ZSCAN20: variants seen among roughly 807,000 people sequenced by gnomAD.
ZSCAN20 encodes zinc finger and SCAN domain-containing protein 20.
ZSCAN20 carries 39 observed loss-of-function variants against 97.1 expected under a neutral mutation model. The ratio of observed to expected loss-of-function variants is 0.40; its 90% CI spans 0.31 to 0.52. ZSCAN20 has a LOEUF of 0.52. Ranked by LOEUF, ZSCAN20 falls within the 20% of genes least tolerant of loss-of-function variation. The pLI, the probability that ZSCAN20 is intolerant of heterozygous loss-of-function variation, is 0.49. For synonymous variants in ZSCAN20, 456 were observed against 467.3 expected, an observed-to-expected ratio of 0.98 and a Z score of 0.31; for missense variants, 1,115 against 1,290.4, an observed-to-expected ratio of 0.86 and a Z score of 2.08.
At position 33,501,048 on chromosome 1, in the gene ZSCAN20, G is replaced by A. The variant is rs2148490798; in HGVS notation, c.*5572G>A. On this transcript the variant is annotated 3_prime_UTR_variant, in exon 8 of 8. Coordinates refer to ENST00000684572, the MANE Select transcript of ZSCAN20 (RefSeq NM_001377376.1). ...CACTGGGGACCAGCAGGAAGTGGTG[G>A]TGAGACACTTTGAAACCCTCCACTG... Among the ~76,000 whole-genome samples, 1 of 152,282 alleles carries A rather than the reference G, an allele frequency of 6.6e-6. No homozygotes were observed.
At chr1:33,477,714 CATT>C (rs778020474) in intron 1 of ZSCAN20, among the ~76,000 whole-genome samples, 10 of 149,720 alleles carry the variant, frequency 6.7e-5, no homozygotes, top group Non-Finnish European at 1.3e-4. Flanking sequence ...ACACCATCAT[CATT>C]AGTCAATCAT....
chr1:33,491,064 A>G lies in ZSCAN20; in HGVS notation c.806A>G (p.Glu269Gly). ...AAACCAAGTAATACCTCCGAGAAAGAGCAAGGACCAGAGTTTTGGGGTCTA... is the reference window on the plus strand; with the variant it reads ...AAACCAAGTAATACCTCCGAGAAAGGGCAAGGACCAGAGTTTTGGGGTCTA... ...VSKPSNTSEK[E>G]QGPEFWGLSL... is the part of the protein sequence containing the mutation. The change falls in exon 6 of 8, where the codon GAG becomes GGG. Residue 269 changes from glutamate (E) to glycine (G), a missense_variant. Transcript: ENST00000684572. This position sits in a 1 kb window ranked among gnomAD's most constrained non-coding sequence, Gnocchi z 4.3. The G allele has an allele frequency of 6.2e-7, 1 of 1,611,018 alleles. No individual in the cohort carries two copies. Among genetic ancestry groups the G allele is most frequent in the South Asian group, 1.1e-5 (1 of 90,770 alleles).
chr1:33,479,106 A>T, intron 1 of ZSCAN20, 73 bp from the exon 2 acceptor site: 1 of 612,208 alleles, frequency 1.6e-6, no homozygotes, highest in Non-Finnish European at 2.7e-6. Context: ...GTGGCGGAAG[A>T]TATGGGGGAA....
At position 33,497,357 on chromosome 1, in the gene ZSCAN20, A is replaced by G. The variant is rs1490046099; in HGVS notation, c.*1881A>G. ...TCAGCAGATGTCAGTAACTGCAGTAATACAGTGATATTGTCTAGTAATGTG... is the reference window on the plus strand; with the variant it reads ...TCAGCAGATGTCAGTAACTGCAGTAGTACAGTGATATTGTCTAGTAATGTG... On this transcript the variant is annotated 3_prime_UTR_variant, in exon 8 of 8. Coordinates refer to ENST00000684572, the MANE Select transcript of ZSCAN20 (RefSeq NM_001377376.1). Among the ~76,000 whole-genome samples, 1 of 152,190 alleles carries G rather than the reference A, an allele frequency of 6.6e-6. No homozygotes were observed. Among genetic ancestry groups the G allele is most frequent in the African/African-American group, 2.4e-5 (1 of 41,448 alleles).
chr1:33,489,400 C>T (rs1199911293), intron 4 of ZSCAN20, 118 bp from the exon 5 acceptor site: 19 of 1,116,336 alleles, frequency 1.7e-5, no homozygotes, highest in Middle Eastern at 5.1e-4. Flanking sequence ...CCTTATGATG[C>T]CAGCTTCACA....
rs1157649408 is a variant in ZSCAN20, at chr1:33,491,466, A to C, written c.1208A>C (p.Glu403Ala). ...SHPPGTCPFYEELEALVRART... is the reference protein window; with the variant it reads ...SHPPGTCPFYAELEALVRART... ...CCACCAGGTACCTGCCCCTTCTATGAGGAGCTGGAGGCCCTGGTCAGGGCT... is the reference window on the plus strand; with the variant it reads ...CCACCAGGTACCTGCCCCTTCTATGCGGAGCTGGAGGCCCTGGTCAGGGCT... The change falls in exon 6 of 8, where the codon GAG becomes GCG. Residue 403 changes from glutamate (E) to alanine (A), a missense_variant. Glu to Ala is a moderately radical substitution (Grantham distance 107). Around this residue, in one of 3 missense-constraint regions of ZSCAN20, gnomAD observed 508 missense variants for 611.2 expected, o/e 0.83. Coordinates refer to ENST00000684572, the MANE Select transcript of ZSCAN20 (RefSeq NM_001377376.1). The surrounding 1 kb of genome is among the most constrained non-coding windows in gnomAD (Gnocchi z 4.3). 6.2e-7 allele frequency: 1 copy of C among 1,614,022 alleles called. No homozygotes were observed. Among genetic ancestry groups the C allele is most frequent in the Admixed American group, 1.7e-5 (1 of 59,998 alleles).
rs200365416 is a variant in ZSCAN20, at chr1:33,494,404, A to C, written c.2060A>C (p.Glu687Ala). 34 of 1,613,832 alleles carry C rather than the reference A, an allele frequency of 2.1e-5. No individual in the cohort carries two copies. The East Asian group carries it at 3.6e-4, about 17-fold the overall frequency. ...WGNPSQEQWQESSSEEDLEKL... is the reference protein window; with the variant it reads ...WGNPSQEQWQASSSEEDLEKL... ...AATCCCTCACAGGAACAGTGGCAAG[A>C]AAGTTCTTCTGAAGAGGACTTAGAA... is the stretch of plus-strand genomic sequence containing the variant. Residue 687 changes from glutamate to alanine, a missense_variant, in exon 8 of 8, where the codon GAA becomes GCA. Transcript: ENST00000684572.
At position 33,491,863 on chromosome 1, in the gene ZSCAN20, C is replaced by T; in HGVS notation, c.1444+161C>T. On this transcript the variant is annotated intron_variant, in intron 6 of 7. Transcript: ENST00000684572. The surrounding 1 kb of genome is among the most constrained non-coding windows in gnomAD (Gnocchi z 4.3). ...TCCTCAAACTCCAACTTTCTTTTCC[C>T]ATGACCAAGTCTCTTTGCAAAAGTC... 1.5e-6 allele frequency: 1 copy of T among 649,738 alleles called. No homozygotes were observed. 40.2% of individuals were successfully genotyped at this position (649,738 alleles called of 1,614,324 possible).
At chr1:33,490,684 C>A (rs869138710) in intron 5 of ZSCAN20, among the ~76,000 whole-genome samples, 8 of 127,922 alleles carry the variant, frequency 6.3e-5, no homozygotes, top group South Asian at 3.0e-4. Context: ...CACACACACA[C>A]CACACACCCT....
In ZSCAN20 at chr1:33,493,123, A is replaced by G. The variant is rs1213067515; in HGVS notation, c.1445-64A>G. ...GGTATTTTGAAGGGCAGGTGACTTT[A>G]TTCTCTGATGACCTAGGCACATCTC... On this transcript the variant is annotated intron_variant, in intron 6 of 7. Transcript: ENST00000684572. The surrounding 1 kb of genome is among the most constrained non-coding windows in gnomAD (Gnocchi z 4.3). 2 of 1,528,284 alleles carry G rather than the reference A, an allele frequency of 1.3e-6. No individual in the cohort carries two copies. Among genetic ancestry groups the G allele is most frequent in the Non-Finnish European group, 1.8e-6 (2 of 1,119,796 alleles). 94.7% of individuals were successfully genotyped at this position (1,528,284 alleles called of 1,614,324 possible). A position where few individuals can be genotyped will look rare whatever the true frequency, so the allele number is the denominator to read the frequency against.
At position 33,497,911 on chromosome 1, in the gene ZSCAN20, A is replaced by G. The variant is rs1652931468; in HGVS notation, c.*2435A>G. On this transcript the variant is annotated 3_prime_UTR_variant, in exon 8 of 8. Coordinates refer to ENST00000684572, the MANE Select transcript of ZSCAN20 (RefSeq NM_001377376.1). Reference sequence around the variant, plus strand: ...TCTAGAACTTGAGGTGCTTAAGGGAAATCATGGTGATGCTATGCATTTGGA... The same window carrying G: ...TCTAGAACTTGAGGTGCTTAAGGGAGATCATGGTGATGCTATGCATTTGGA... 6.6e-6 allele frequency among the ~76,000 whole-genome samples: 1 copy of G among 152,134 alleles called. No homozygotes were observed. The highest frequency in any genetic ancestry group is 1.5e-5 in the Non-Finnish European group (1 of 68,022).
In ZSCAN20 at chr1:33,495,172, G is replaced by T; in HGVS notation, c.2828G>T (p.Arg943Leu). The change falls in exon 8 of 8, where the codon CGC (arginine) becomes CTC (leucine). Residue 943 changes from arginine (R) to leucine (L), a missense_variant. This residue lies in a region of ZSCAN20 where 554 missense variants were observed against 584.9 expected (regional missense o/e 0.95). Coordinates refer to ENST00000684572, the MANE Select transcript of ZSCAN20 (RefSeq NM_001377376.1). ...CVDCGKCFSERSKLITHQRVH... is the reference protein window; with the variant it reads ...CVDCGKCFSELSKLITHQRVH... ...GACTGTGGGAAGTGCTTCAGTGAGC[G>T]CTCCAAGCTCATCACACACCAGAGA... 1.9e-6 allele frequency: 3 copies of T among 1,613,812 alleles called. No homozygotes were observed. In the South Asian group the frequency reaches 3.3e-5, roughly 18 times the overall value.
At chr1:33,483,437 A>G (rs1005415637) in intron 2 of ZSCAN20, among the ~76,000 whole-genome samples, 2 of 152,026 alleles carry the variant, frequency 1.3e-5, no homozygotes, top group Non-Finnish European at 2.9e-5. Context: ...CACTGTCTTG[A>G]TTACTATAGT....
rs757685657 is a variant in ZSCAN20 at position 33,497,804 on chromosome 1, T to C, written c.*2328T>C. ...ATGCCTTTGGTGACTGGGTAGAGCA[T>C]GTCCTCATTCAGAATTGGGAGCACA... On this transcript the variant is annotated 3_prime_UTR_variant, in exon 8 of 8. Coordinates refer to ENST00000684572, the MANE Select transcript of ZSCAN20 (RefSeq NM_001377376.1). 2.6e-5 allele frequency among the ~76,000 whole-genome samples: 4 copies of C among 152,076 alleles called. No individual in the cohort carries two copies. The highest frequency in any genetic ancestry group is 2.9e-5 in the Non-Finnish European group (2 of 68,026).
chr1:33,500,202 C>T lies in ZSCAN20; in HGVS notation c.*4726C>T, dbSNP rs560689920. 5.9e-5 allele frequency among the ~76,000 whole-genome samples: 9 copies of T among 152,252 alleles called. No individual in the cohort carries two copies. Among genetic ancestry groups the T allele is most frequent in the Middle Eastern group, 3.4e-3 (1 of 294 alleles). On this transcript the variant is annotated 3_prime_UTR_variant, in exon 8 of 8. Coordinates refer to ENST00000684572, the MANE Select transcript of ZSCAN20 (RefSeq NM_001377376.1). ...TTACCTCCAAATAAATGCATGTTTT[C>T]GGGGGGCAAAGGCAGGTTCCTTCCT...
chr1:33,488,413 A>G, intron 2 of ZSCAN20, 52 bp from the exon 3 acceptor site: 2 of 1,582,636 alleles, frequency 1.3e-6, no homozygotes, highest in Non-Finnish European at 1.7e-6. Flanking sequence ...TCAAAATACC[A>G]AAGTGGGTCT....
Position 33,493,642 on chromosome 1 carries a change from C to G in ZSCAN20, c.1873+27C>G. On this transcript the variant is annotated intron_variant, in intron 7 of 7. Coordinates refer to ENST00000684572, the MANE Select transcript of ZSCAN20 (RefSeq NM_001377376.1). This position sits in a 1 kb window ranked among gnomAD's most constrained non-coding sequence, Gnocchi z 4.3. ...TAAGCCTGGAGTAATTGGATGTTCT[C>G]AAAATCTGTGGGCATGTGGAGAGAA... 1 of 1,521,494 alleles carries G rather than the reference C, an allele frequency of 6.6e-7. No individual in the cohort carries two copies. Among genetic ancestry groups the G allele is most frequent in the Middle Eastern group, 1.8e-4 (1 of 5,620 alleles). 94.2% of individuals were successfully genotyped at this position (1,521,494 alleles called of 1,614,324 possible).
In ZSCAN20 at chr1:33,489,566, C is replaced by G. The variant is rs779498519; in HGVS notation, c.730C>G (p.Pro244Ala). 3 of 1,614,098 alleles carry G rather than the reference C, an allele frequency of 1.9e-6. No individual in the cohort carries two copies. In the East Asian group the frequency reaches 6.7e-5, roughly 36 times the overall value. ...TGCTGAGAAGGAGCTCTGTAAAGAC[C>G]CCCCAGGAGACGACTGTGGGAACAG... Reference protein sequence around the residue: ...KHAEKELCKDPPGDDCGNSVC... With the variant: ...KHAEKELCKDAPGDDCGNSVC... Residue 244 changes from proline to alanine, a missense_variant, in exon 5 of 8, where the codon CCC becomes GCC. Pro to Ala is a conservative substitution (Grantham distance 27). Coordinates refer to ENST00000684572, the MANE Select transcript of ZSCAN20 (RefSeq NM_001377376.1).
chr1:33,492,840 T>G (rs117653771), intron 6 of ZSCAN20, among the ~76,000 whole-genome samples: 1,580 of 148,038 alleles, frequency 0.011, 26 homozygotes, highest in East Asian at 0.081. Flanking sequence ...TGAGTGAATA[T>G]GGGGAAAATC....
Sources: allele counts gnomAD v4.1 joint callset (sites outside exome capture counted in the v4.1 genomes callset), GRCh38; gene constraint gnomAD v4.1.1; regional missense constraint gnomAD v4.1.1; non-coding constraint Gnocchi (gnomAD v3.1); transcripts MANE v1.5; gene names NCBI Gene and HGNC (gene_info 2026-07-23, HGNC 2026-07-21).